PCDHA11: variants seen among roughly 807,000 people sequenced by gnomAD.
PCDHA11 encodes the protein protocadherin alpha 11.
In PCDHA11, 61 loss-of-function variants were observed where a neutral mutation model predicts 70.3. That is an observed-to-expected ratio of 0.87 (90% confidence interval 0.71 to 1.07). PCDHA11 has a LOEUF of 1.07. Among genes scored for constraint, PCDHA11 ranks in the 50% least tolerant of loss-of-function variants. The probability of loss-of-function intolerance (pLI) is 0.00; values close to 1 mark genes in which losing one functional copy is unlikely to be tolerated. For synonymous variants in PCDHA11, 633 were observed against 555.1 expected (o/e 1.14, Z -1.97); for missense variants, 1,324 against 1,237.5 (o/e 1.07, Z -1.05).
rs782443419 is a variant in PCDHA11, at chr5:140,882,688, A to T, written c.2391+11194A>T. On this transcript the variant is annotated intron_variant, in intron 1 of 3. Coordinates refer to ENST00000398640, the MANE Select transcript of PCDHA11 (RefSeq NM_018902.5). ...TATTCCCTGAAAGCAAGAAACGAATAATCATTGCAGAATCTAGACCTCCGG... is the reference window on the plus strand; with the variant it reads ...TATTCCCTGAAAGCAAGAAACGAATTATCATTGCAGAATCTAGACCTCCGG... The T allele has an allele frequency of 1.2e-5, 20 of 1,614,078 alleles. 1 individual carries two copies. In the South Asian group the frequency reaches 2.2e-4, roughly 18 times the overall value.
intron 1 of PCDHA11, among the ~76,000 whole-genome samples, chr5:140,949,015 T>A (rs1004348581): frequency 7.9e-5 from 12 of 151,734 alleles, no homozygotes; most frequent in Non-Finnish European, 1.2e-4. Context: ...ATATGTGATG[T>A]TTTTATTTTT....
intron 3 of PCDHA11, among the ~76,000 whole-genome samples, chr5:140,994,127 A>T (rs536865883): frequency 6.6e-6 from 1 of 152,348 alleles, no homozygotes; most frequent in South Asian, 2.1e-4. Flanking sequence ...GATAAGGGCG[A>T]CAATAATGCC....
chr5:140,936,326 A>G (rs2090913771), intron 1 of PCDHA11, among the ~76,000 whole-genome samples: 1 of 152,138 alleles, frequency 6.6e-6, no homozygotes, highest in South Asian at 2.1e-4. Flanking sequence ...CATGCTATAA[A>G]TTTTCTCTAT....
chr5:140,946,611 AATATAT>A (rs1554217734), intron 1 of PCDHA11, among the ~76,000 whole-genome samples: 5 of 86,812 alleles, frequency 5.8e-5, no homozygotes, highest in African/African-American at 2.5e-4. Context: ...GAAAATGTGA[AATATAT>A]ATATATATAT....
rs377370256 is a variant in PCDHA11 at position 140,966,811 on chromosome 5, G to A, written c.2392-12138G>A. On this transcript the variant is annotated intron_variant, in intron 1 of 3. Transcript: ENST00000398640. ...GACCTGCGGCGACAGAGCATCCACGGCTCCGGCGGCCCATGCCCTGGCTGC... is the reference window on the plus strand; with the variant it reads ...GACCTGCGGCGACAGAGCATCCACGACTCCGGCGGCCCATGCCCTGGCTGC... The A allele has an allele frequency of 1.4e-5, 21 of 1,549,722 alleles. No individual in the cohort carries two copies. The African/African-American group carries it at 2.6e-4, about 19-fold the overall frequency.
chr5:140,957,827 T>C (rs2095387768), intron 1 of PCDHA11, among the ~76,000 whole-genome samples: 1 of 150,810 alleles, frequency 6.6e-6, no homozygotes, highest in Admixed American at 6.7e-5. Flanking sequence ...TAAGAGAAAG[T>C]GTTAATTGAT....
intron 1 of PCDHA11, chr5:140,882,766 G>T: frequency 1.2e-6 from 2 of 1,614,184 alleles, no homozygotes; most frequent in South Asian, 2.2e-5. Context: ...GAGTAAACTC[G>T]GCATTGACCT....
intron 3 of PCDHA11, among the ~76,000 whole-genome samples, chr5:141,007,495 G>T (rs2098332812): frequency 6.6e-6 from 1 of 151,988 alleles, no homozygotes; most frequent in Non-Finnish European, 1.5e-5. Flanking sequence ...TTGGACCTAG[G>T]AGGCAGAGAC....
rs185929013 is a variant in PCDHA11 at position 140,956,196 on chromosome 5, T to G, written c.2392-22753T>G. 2.6e-5 allele frequency among the ~76,000 whole-genome samples: 4 copies of G among 152,188 alleles called. No homozygotes were observed. In the East Asian group the frequency reaches 7.7e-4, roughly 29 times the overall value. On this transcript the variant is annotated intron_variant, in intron 1 of 3. Coordinates refer to ENST00000398640, the MANE Select transcript of PCDHA11 (RefSeq NM_018902.5). The stretch of plus-strand genomic sequence containing the variant: ...CTTCCAATACTATGCTGAATAGGAG[T>G]GGTGAAAGAGGGCATCCTTGTCTTG...
rs1282110712 is a variant in PCDHA11, at chr5:140,926,177, A to G, written c.2392-52772A>G. Among the ~76,000 whole-genome samples the G allele has an allele frequency of 2.0e-5, 3 of 151,672 alleles. No individual in the cohort carries two copies. The South Asian group carries it at 6.6e-4, about 34-fold the overall frequency. On this transcript the variant is annotated intron_variant, in intron 1 of 3. Coordinates refer to ENST00000398640, the MANE Select transcript of PCDHA11 (RefSeq NM_018902.5). ...CTCTGCAGCAGGATCCAGCGCGGAA[A>G]GCCCCCCGCAGCACTTCTTTCGGGG...
intron 3 of PCDHA11, among the ~76,000 whole-genome samples, chr5:141,007,850 C>A (rs1299909821): frequency 6.6e-6 from 1 of 152,156 alleles, no homozygotes; most frequent in Non-Finnish European, 1.5e-5. Context: ...GACTCAAAGT[C>A]CTTAAAGGTC....
Position 140,877,047 on chromosome 5 carries a change from C to T in PCDHA11, c.2391+5553C>T, listed in dbSNP as rs372059660. The T allele has an allele frequency of 5.6e-6, 9 of 1,612,564 alleles. No homozygotes were observed. The African/African-American group carries it at 1.2e-4, about 22-fold the overall frequency. On this transcript the variant is annotated intron_variant, in intron 1 of 3. Transcript: ENST00000398640. ...TGTACGCGCTGCAGCCGCTAGACCA[C>T]GAGGAGCTGGAGCTGCTGCAGTTCC...
intron 1 of PCDHA11, chr5:140,969,141 G>A: frequency 6.2e-7 from 1 of 1,614,158 alleles, no homozygotes; most frequent in South Asian, 1.1e-5. Flanking sequence ...AAGACCTACT[G>A]CTACAAGGCC....
At chr5:140,882,262 G>GTGTA (rs781901698) in intron 1 of PCDHA11, 2 of 1,605,126 alleles carry the variant, frequency 1.2e-6, no homozygotes, top group Non-Finnish European at 1.7e-6. Context: ...GGTTTTTGGA[G>GTGTA]TGTACCATGC....
chr5:140,873,959 C>A (rs782271124), intron 1 of PCDHA11, among the ~76,000 whole-genome samples: 1 of 152,136 alleles, frequency 6.6e-6, no homozygotes, highest in Non-Finnish European at 1.5e-5. Context: ...CTGAGCCCAG[C>A]CTATTTTTTA....
intron 1 of PCDHA11, among the ~76,000 whole-genome samples, chr5:140,887,378 G>C (rs1407679123): frequency 6.6e-6 from 1 of 152,176 alleles, no homozygotes; most frequent in East Asian, 1.9e-4. Flanking sequence ...TTACAGGTGT[G>C]AGCCACCGCG....
intron 1 of PCDHA11, among the ~76,000 whole-genome samples, chr5:140,872,990 A>C (rs987650775): frequency 6.6e-6 from 1 of 152,184 alleles, no homozygotes; most frequent in African/African-American, 2.4e-5. Context: ...AAGATCATTT[A>C]CTTCTGAGTC....
Position 140,883,957 on chromosome 5 carries a change from G to A in PCDHA11, c.2391+12463G>A, listed in dbSNP as rs879988838. ...TGCTGGACGAGAACGACAACGCTCC[G>A]GCGCTGCTGACGCCCGGGGCTGGCA... On this transcript the variant is annotated intron_variant, in intron 1 of 3. Coordinates refer to ENST00000398640, the MANE Select transcript of PCDHA11 (RefSeq NM_018902.5). 10 of 1,613,246 alleles carry A rather than the reference G, an allele frequency of 6.2e-6. No individual in the cohort carries two copies. In the East Asian group the frequency reaches 1.3e-4, roughly 22 times the overall value.
At position 140,869,139 on chromosome 5, in the gene PCDHA11, A is replaced by C. The variant is rs2050869640; in HGVS notation, c.36A>C (p.Pro12=). The C allele has an allele frequency of 6.2e-7, 1 of 1,613,156 alleles. No individual in the cohort carries two copies. The highest frequency in any genetic ancestry group is 1.7e-5 in the Admixed American group (1 of 59,964). Residue 12 remains proline (P), a synonymous_variant, in exon 1 of 4, where the codon CCA becomes CCC. Transcript: ENST00000398640. ...FGFQRRGLGT[P]RLQLWLLLLE... is the part of the protein sequence containing the mutation. Reference sequence around the variant, plus strand: ...TTCAGAGAAGGGGATTGGGCACCCCACGACTACAGCTCTGGCTTCTCCTCC... The same window carrying C: ...TTCAGAGAAGGGGATTGGGCACCCCCCGACTACAGCTCTGGCTTCTCCTCC...
Sources: allele counts gnomAD v4.1 joint callset (sites outside exome capture counted in the v4.1 genomes callset), GRCh38; gene constraint gnomAD v4.1.1; transcripts MANE v1.5; gene names NCBI Gene and HGNC (gene_info 2026-07-23, HGNC 2026-07-21).